OR51E1: variants seen among roughly 807,000 people sequenced by gnomAD.
OR51E1 encodes olfactory receptor 51E1.
Under a neutral mutation model 11.5 loss-of-function variants are expected in OR51E1, and 9 were observed. That is an observed-to-expected ratio of 0.78 (90% confidence interval 0.47 to 1.37). The LOEUF (loss-of-function observed/expected upper bound fraction) is 1.37, where lower values mean the gene tolerates loss of function less well. OR51E1 is among the 40% of genes most tolerant of loss of function. The probability of loss-of-function intolerance (pLI) is 0.00; values close to 1 mark genes in which losing one functional copy is unlikely to be tolerated. For synonymous variants in OR51E1, 168 were observed against 158.3 expected (o/e 1.06, Z -0.46); for missense variants, 397 against 410.2 (o/e 0.97, Z 0.28).
chr11:4,649,252 A>T (rs1173340944), intron 1 of OR51E1, among the ~76,000 whole-genome samples: 1 of 152,238 alleles, frequency 6.6e-6, no homozygotes, highest in South Asian at 2.1e-4. Flanking sequence ...TGAGCACAGA[A>T]CAGTAAGCAT....
At position 4,653,793 on chromosome 11, in the gene OR51E1, C is replaced by A; in HGVS notation, c.*310C>A. On this transcript the variant is annotated 3_prime_UTR_variant, in exon 2 of 2. Transcript: ENST00000396952. ...ACAGCATTCTGAGATAAGAATGGTA[C>A]ATCTAGAGAACATTTGCCAAAGGCC... The A allele has an allele frequency of 4.1e-6, 1 of 243,742 alleles. No homozygotes were observed. Among genetic ancestry groups the A allele is most frequent in the Non-Finnish European group, 8.5e-6 (1 of 117,878 alleles). The allele number at this position is 243,742 out of a possible 1,614,324, so 15.1% of individuals were successfully genotyped here. A position where few individuals can be genotyped will look rare whatever the true frequency, so the allele number is the denominator to read the frequency against.
chr11:4,644,199 T>C (rs1332749626), intron 1 of OR51E1, among the ~76,000 whole-genome samples, 169 bp downstream of exon 1: 1 of 73,454 alleles, frequency 1.4e-5, no homozygotes, highest in African/African-American at 3.8e-5. Flanking sequence ...GATCTCTAGG[T>C]TTGTGTGCTG....
chr11:4,653,510 T>C lies in OR51E1; in HGVS notation c.*27T>C. The C allele has an allele frequency of 1.5e-6, 2 of 1,332,450 alleles. No homozygotes were observed. Among genetic ancestry groups the C allele is most frequent in the Admixed American group, 2.0e-5 (1 of 49,684 alleles). The allele number at this position is 1,332,450 out of a possible 1,614,324, so 82.5% of individuals were successfully genotyped here. On this transcript the variant is annotated 3_prime_UTR_variant, in exon 2 of 2. Transcript: ENST00000396952. ...TGTCAGTGATCAAACTTCTTTTCCA[T>C]TCAGAGTCCTCTGATTCAGATTTTA...
chr11:4,649,681 T>A (rs773992664), intron 1 of OR51E1, among the ~76,000 whole-genome samples: 1 of 152,174 alleles, frequency 6.6e-6, no homozygotes, highest in East Asian at 1.9e-4. Flanking sequence ...AAGGTTACCC[T>A]AGAGACGTGG....
chr11:4,651,231 G>T (rs1035260131), intron 1 of OR51E1, among the ~76,000 whole-genome samples: 1 of 152,188 alleles, frequency 6.6e-6, no homozygotes, highest in African/African-American at 2.4e-5. Context: ...ACCCCTCAGG[G>T]TTAGTATTCT....
At chr11:4,649,762 G>A (rs142906539) in intron 1 of OR51E1, among the ~76,000 whole-genome samples, 3 of 152,216 alleles carry the variant, frequency 2.0e-5, no homozygotes, top group Non-Finnish European at 2.9e-5. Flanking sequence ...AAACACTGGA[G>A]GAAAATGGTT....
chr11:4,653,455 A>T lies in OR51E1; in HGVS notation c.929A>T (p.His310Leu), dbSNP rs145574186. 9.9e-6 allele frequency: 16 copies of T among 1,612,584 alleles called. No homozygotes were observed. Among genetic ancestry groups the T allele is most frequent in the Non-Finnish European group, 1.4e-5 (16 of 1,178,788 alleles). Residue 310 changes from histidine (H) to leucine (L), a missense_variant, in exon 2 of 2, where the codon CAT becomes CTT. His to Leu is a moderately conservative substitution (Grantham distance 99). Coordinates refer to ENST00000396952, the MANE Select transcript of OR51E1 (RefSeq NM_152430.4). ...EIRQRILRLF[H>L]VATHASEP ...CGACAGCGCATCCTTCGACTTTTCCATGTGGCCACACACGCTTCAGAGCCC... is the reference window on the plus strand; with the variant it reads ...CGACAGCGCATCCTTCGACTTTTCCTTGTGGCCACACACGCTTCAGAGCCC...
rs1847141406 is a variant in OR51E1, at chr11:4,654,230, A to AG, written c.*748dup. 3.0e-5 allele frequency: 5 copies of AG among 167,052 alleles called. No individual in the cohort carries two copies. The Admixed American group carries it at 3.3e-4, about 11-fold the overall frequency. The allele number at this position is 167,052 out of a possible 1,614,324, so 10.3% of individuals were successfully genotyped here. A position where few individuals can be genotyped will look rare whatever the true frequency, so the allele number is the denominator to read the frequency against. On this transcript the variant is annotated 3_prime_UTR_variant, in exon 2 of 2. Coordinates refer to ENST00000396952, the MANE Select transcript of OR51E1 (RefSeq NM_152430.4). The stretch of plus-strand genomic sequence containing the variant: ...TACAAGTATAAAAATTAAAAAAAAA[A>AG]GACTTCATGCCCAATCTCATATGAT...
At position 4,652,709 on chromosome 11, in the gene OR51E1, C is replaced by A; in HGVS notation, c.183C>A (p.Pro61=). Residue 61 remains proline (P), a synonymous_variant, in exon 2 of 2, where the codon CCC becomes CCA. Coordinates refer to ENST00000396952, the MANE Select transcript of OR51E1 (RefSeq NM_152430.4). ...IVRTEHSLHE[P]MYIFLCMLSG... ...GGACTGAGCACAGCCTGCATGAGCC[C>A]ATGTATATATTTCTTTGCATGCTTT... The A allele has an allele frequency of 6.2e-7, 1 of 1,614,124 alleles. No homozygotes were observed. Among genetic ancestry groups the A allele is most frequent in the Non-Finnish European group, 8.5e-7 (1 of 1,180,014 alleles).
At position 4,653,858 on chromosome 11, in the gene OR51E1, A is replaced by G. The variant is rs971470778; in HGVS notation, c.*375A>G. The stretch of plus-strand genomic sequence containing the variant: ...GAAAATAAACACAGAATATAATAAA[A>G]TGAGATAATCTAGCTTAAAACTATA... On this transcript the variant is annotated 3_prime_UTR_variant, in exon 2 of 2. Transcript: ENST00000396952. 5.1e-5 allele frequency: 9 copies of G among 176,734 alleles called. No individual in the cohort carries two copies. Among genetic ancestry groups the G allele is most frequent in the Non-Finnish European group, 1.1e-4 (8 of 74,890 alleles). 10.9% of individuals were successfully genotyped at this position (176,734 alleles called of 1,614,324 possible).
rs2133227920 is a variant in OR51E1, at chr11:4,653,114, G to A, written c.588G>A (p.Arg196=). 1.9e-6 allele frequency: 3 copies of A among 1,613,816 alleles called. No homozygotes were observed. In the East Asian group the frequency reaches 6.7e-5, roughly 36 times the overall value. The change falls in exon 2 of 2, where the codon CGG becomes CGA. Residue 196 remains arginine, a synonymous_variant. Coordinates refer to ENST00000396952, the MANE Select transcript of OR51E1 (RefSeq NM_152430.4). The part of the protein sequence containing the change: ...DVMKLACDDI[R]VNVVYGLIVI... The stretch of plus-strand genomic sequence containing the variant: ...TGAAGCTGGCCTGTGATGATATCCG[G>A]GTCAATGTCGTCTATGGCCTTATCG...
At chr11:4,650,928 T>C (rs1397581907) in intron 1 of OR51E1, among the ~76,000 whole-genome samples, 1 of 133,714 alleles carries the variant, frequency 7.5e-6, no homozygotes, top group East Asian at 2.7e-4. Flanking sequence ...TGGGTATGTA[T>C]AATGCAAATA....
chr11:4,644,424 A>C (rs568693571), intron 1 of OR51E1, among the ~76,000 whole-genome samples: 3 of 152,108 alleles, frequency 2.0e-5, no homozygotes, highest in Non-Finnish European at 4.4e-5. Flanking sequence ...GTTGAAGCTC[A>C]GTCTATGACT....
At chr11:4,646,256 G>A (rs16924352) in intron 1 of OR51E1, among the ~76,000 whole-genome samples, 2,574 of 152,286 alleles carry the variant, frequency 0.017, 68 homozygotes, top group African/African-American at 0.056. Context: ...AGCCCAGATA[G>A]TGACACTGAC....
chr11:4,644,720 C>G (rs12421703), intron 1 of OR51E1, among the ~76,000 whole-genome samples: 3,933 of 152,230 alleles, frequency 0.026, 68 homozygotes, highest in Non-Finnish European at 0.039. Context: ...CTCTCTGGCT[C>G]TTTGTATTAG....
intron 1 of OR51E1, among the ~76,000 whole-genome samples, chr11:4,648,155 A>G (rs1427790194): frequency 2.0e-5 from 3 of 152,212 alleles, no homozygotes; most frequent in African/African-American, 4.8e-5. Context: ...TTTTAGCCCC[A>G]GCGATAGCTG....
At chr11:4,652,366 A>G in intron 1 of OR51E1, 122 bp from the exon 2 acceptor site, 2 of 602,658 alleles carry the variant, frequency 3.3e-6, no homozygotes, top group Non-Finnish European at 5.9e-6. Flanking sequence ...TTAGAATATG[A>G]TTAGAATTTG....
chr11:4,653,422 AG>A lies in OR51E1; in HGVS notation c.898del (p.Glu300ArgfsTer23). ...CCAATTGTCTATGGAGTGAAGACAA[AG>A]GAGATTCGACAGCGCATCCTTCGAC... ...LNPIVYGVKT[K>X]EIRQRILRLF... is the part of the protein sequence containing the mutation. On this transcript the variant is annotated frameshift_variant, in exon 2 of 2. Coordinates refer to ENST00000396952, the MANE Select transcript of OR51E1 (RefSeq NM_152430.4). LOFTEE classifies it high-confidence loss of function. The A allele has an allele frequency of 1.9e-6, 3 of 1,614,118 alleles. No homozygotes were observed. Among genetic ancestry groups the A allele is most frequent in the Non-Finnish European group, 1.7e-6 (2 of 1,179,948 alleles).
At chr11:4,644,615 G>T (rs1309803921) in intron 1 of OR51E1, among the ~76,000 whole-genome samples, 3 of 152,100 alleles carry the variant, frequency 2.0e-5, no homozygotes, top group African/African-American at 7.2e-5. Flanking sequence ...TTAAAAAGTA[G>T]ATTAGTGTCC....
Sources: allele counts gnomAD v4.1 joint callset (sites outside exome capture counted in the v4.1 genomes callset), GRCh38; gene constraint gnomAD v4.1.1; transcripts MANE v1.5; gene names NCBI Gene and HGNC (gene_info 2026-07-23, HGNC 2026-07-21).